CLIC5: variants seen among roughly 807,000 people sequenced by gnomAD.
The protein encoded by CLIC5 is CLIC family member 5.
Under a neutral mutation model 24.7 loss-of-function variants are expected in CLIC5, and 20 were observed. That is an observed-to-expected ratio of 0.81 (90% CI 0.57 to 1.18). The LOEUF (loss-of-function observed/expected upper bound fraction) is 1.18. Among genes scored for constraint, CLIC5 ranks in the 50% most tolerant of loss-of-function variants. The pLI is 0.00. For synonymous variants in CLIC5, 159 were observed against 135.6 expected, an observed-to-expected ratio of 1.17 and a Z score of -1.20; for missense variants, 341 against 326.1, an observed-to-expected ratio of 1.05 and a Z score of -0.35.
At chr6:45,988,163 T>C (rs897801983) in intron 1 of CLIC5, among the ~76,000 whole-genome samples, 7 of 152,254 alleles carry the variant, frequency 4.6e-5, no homozygotes, top group African/African-American at 1.7e-4. Context: ...GCTTCCAAAA[T>C]GTAATGTTGG....
At chr6:46,081,824 A>C (rs1234856563), upstream of CLIC5, among the ~76,000 whole-genome samples, 4 of 152,192 alleles carry the variant, frequency 2.6e-5, no homozygotes, top group African/African-American at 9.7e-5. Flanking sequence ...GTGGTTTTTG[A>C]ACCTCCAGCT....
the CLIC5 span, among the ~76,000 whole-genome samples, chr6:46,124,096 T>G: frequency 6.6e-6 from 1 of 152,112 alleles, no homozygotes; most frequent in African/African-American, 2.4e-5. Context: ...AAAGTTCATA[T>G]GGAACCAAAA....
chr6:46,071,565 T>C (rs1374468382), intron 1 of CLIC5, among the ~76,000 whole-genome samples: 3 of 152,148 alleles, frequency 2.0e-5, no homozygotes, highest in South Asian at 2.1e-4. Flanking sequence ...ATGGCTATTA[T>C]TAAAAAGTCA....
chr6:46,097,801 T>G, the CLIC5 span, among the ~76,000 whole-genome samples: 1 of 152,228 alleles, frequency 6.6e-6, no homozygotes, highest in South Asian at 2.1e-4. Flanking sequence ...GTACCTTCTG[T>G]TATAATTTAA....
chr6:45,927,358 T>C (rs2105168), intron 4 of CLIC5, among the ~76,000 whole-genome samples: 46,503 of 151,852 alleles, frequency 0.31, 7,314 homozygotes, highest in East Asian at 0.47. Context: ...TCTCAGGCCT[T>C]GCCCCAGATC....
intron 1 of CLIC5, among the ~76,000 whole-genome samples, chr6:45,961,453 A>C (rs915316109): frequency 6.6e-6 from 1 of 152,232 alleles, no homozygotes; most frequent in Non-Finnish European, 1.5e-5. Context: ...CCTGACTCTC[A>C]GTTCTGAGCA....
intron 5 of CLIC5, chr6:45,912,304 T>A: frequency 9.9e-7 from 1 of 1,005,378 alleles, no homozygotes; most frequent in Non-Finnish European, 1.2e-6. Flanking sequence ...ATTGGCCATC[T>A]TCTTTTTGAT....
intron 1 of CLIC5, among the ~76,000 whole-genome samples, chr6:46,049,643 G>C (rs1018329329): frequency 6.6e-6 from 1 of 152,166 alleles, no homozygotes; most frequent in African/African-American, 2.4e-5. Context: ...CTGGCTGTGG[G>C]AATAGGCAGA....
chr6:46,067,008 A>T (rs1307034805), intron 1 of CLIC5, among the ~76,000 whole-genome samples: 1 of 152,166 alleles, frequency 6.6e-6, no homozygotes, highest in Non-Finnish European at 1.5e-5. Flanking sequence ...TGCTAGGGGC[A>T]GAACATGCAA....
downstream of CLIC5, chr6:45,880,930 A>C: frequency 5.1e-6 from 2 of 388,492 alleles, no homozygotes; most frequent in Non-Finnish European, 9.1e-6. Context: ...TTCAAGAGCT[A>C]GACATGAACT....
intron 1 of CLIC5, among the ~76,000 whole-genome samples, chr6:45,993,659 A>G (rs1420682142): frequency 6.6e-6 from 1 of 152,224 alleles, no homozygotes; most frequent in African/African-American, 2.4e-5. Context: ...TAACCCTGAC[A>G]AACTTTCACA....
chr6:46,005,815 C>T (rs1561998440), intron 1 of CLIC5, among the ~76,000 whole-genome samples: 1 of 151,664 alleles, frequency 6.6e-6, no homozygotes, highest in Non-Finnish European at 1.5e-5. Context: ...AAGGTGACAG[C>T]TATGAACCAC....
At chr6:46,071,861 A>C (rs1305943929) in intron 1 of CLIC5, among the ~76,000 whole-genome samples, 1 of 152,222 alleles carries the variant, frequency 6.6e-6, no homozygotes, top group African/African-American at 2.4e-5. Flanking sequence ...GGTAGACTGG[A>C]TAAAGAAAAT....
intron 1 of CLIC5, among the ~76,000 whole-genome samples, chr6:46,036,025 G>A (rs1400518871): frequency 1.3e-5 from 2 of 151,980 alleles, no homozygotes; most frequent in Non-Finnish European, 2.9e-5. Flanking sequence ...GATTACAGGC[G>A]TGAGCAAGCA....
chr6:46,082,133 T>C (rs1292117332), upstream of CLIC5, among the ~76,000 whole-genome samples: 1 of 152,216 alleles, frequency 6.6e-6, no homozygotes, highest in Non-Finnish European at 1.5e-5. Flanking sequence ...TAATGCAGTG[T>C]GTAGCTCATA....
chr6:45,898,775 A>C lies in CLIC5; in HGVS notation c.*4313T>G, dbSNP rs954900650. 1 of 152,662 alleles carries C rather than the reference A, an allele frequency of 6.6e-6. No homozygotes were observed. Among genetic ancestry groups the C allele is most frequent in the Non-Finnish European group, 1.5e-5 (1 of 68,046 alleles). 9.5% of individuals were successfully genotyped at this position (152,662 alleles called of 1,614,324 possible). Reference sequence around the variant, plus strand: ...AGGACAACGAGGTGGCCAGGAAAGTAAGACAAATTCAAACATCAGCTGGAT... The same window carrying C: ...AGGACAACGAGGTGGCCAGGAAAGTCAGACAAATTCAAACATCAGCTGGAT... On this transcript the variant is annotated 3_prime_UTR_variant, in exon 6 of 6. Transcript: ENST00000339561.
At chr6:45,895,663 G>A (rs577737951), downstream of CLIC5, among the ~76,000 whole-genome samples, 25 of 152,246 alleles carry the variant, frequency 1.6e-4, no homozygotes, top group South Asian at 4.1e-4. Context: ...TATTTGCTGC[G>A]TCCTAGACAA....
Position 45,966,616 on chromosome 6 carries a change from C to CGACA in CLIC5, c.64-11376_64-11373dup, listed in dbSNP as rs564613451. 6.2e-4 allele frequency among the ~76,000 whole-genome samples: 95 copies of CGACA among 152,288 alleles called. 1 individual carries two copies. The South Asian group carries it at 0.016, about 25-fold the overall frequency. ...ATGTGTGACGGGCTGGACCAACCAC[C>CGACA]GACAGTAGCACTTAGGACGTTGTTT... On this transcript the variant is annotated intron_variant, in intron 1 of 5. Transcript: ENST00000339561.
chr6:45,881,805 G>A (rs1017991154), intron 6 of CLIC5, among the ~76,000 whole-genome samples: 2 of 152,086 alleles, frequency 1.3e-5, no homozygotes, highest in African/African-American at 4.8e-5. Context: ...ACCCCAGGCT[G>A]CCCTCTTCAA....
Sources: gnomAD v4.1 joint callset for allele counts (sites outside exome capture counted in the v4.1 genomes callset) on GRCh38, gnomAD v4.1.1 for gene constraint, MANE v1.5 for transcripts, NCBI Gene and HGNC (gene_info 2026-07-23, HGNC 2026-07-21) for gene names.